Variants in PDE6B observed in about 807,000 individuals in gnomAD.
PDE6B encodes rod cGMP-specific 3',5'-cyclic phosphodiesterase subunit beta.
In PDE6B, 106 loss-of-function variants were observed where a neutral mutation model predicts 109.0. That is an observed-to-expected ratio of 0.97 (90% CI 0.83 to 1.14). PDE6B has a LOEUF of 1.14. Ranked by LOEUF, PDE6B falls within the 50% of genes most tolerant of loss-of-function variation. The probability of loss-of-function intolerance (pLI) is 0.00; values close to 1 mark genes in which losing one functional copy is unlikely to be tolerated. For missense variants in PDE6B, 1,193 were observed against 1,155.6 expected (o/e 1.03, Z -0.47); for synonymous variants, 490 against 471.3 (o/e 1.04, Z -0.51).
At chr4:632,857 T>C (rs1734460952) in intron 1 of PDE6B, among the ~76,000 whole-genome samples, 1 of 152,152 alleles carries the variant, frequency 6.6e-6, no homozygotes, top group South Asian at 2.1e-4. Flanking sequence ...TTGTGCTCTT[T>C]CCATAATCAC....
At position 640,493 on chromosome 4, in the gene PDE6B, C is replaced by T. The variant is rs542235293; in HGVS notation, c.711+4524C>T. Among the ~76,000 whole-genome samples, 8 of 152,170 alleles carry T rather than the reference C, an allele frequency of 5.3e-5. No individual in the cohort carries two copies. In the East Asian group the frequency reaches 5.8e-4, roughly 11 times the overall value. On this transcript the variant is annotated intron_variant, in intron 3 of 21. Transcript: ENST00000496514. ...GACAGAGGTTGCAGTGAGCTGAGATCGCACCATTGCACCCCAGCCTGGACG... is the reference window on the plus strand; with the variant it reads ...GACAGAGGTTGCAGTGAGCTGAGATTGCACCATTGCACCCCAGCCTGGACG...
In PDE6B at chr4:653,132, G is replaced by A. The variant is rs191177585; in HGVS notation, c.712-720G>A. On this transcript the variant is annotated intron_variant, in intron 3 of 21. Transcript: ENST00000496514. Reference sequence around the variant, plus strand: ...TCCCACCATGAGCTGAGTGCCAGGGGGTGGAACTTCAGAGGGCCTGGCAGG... The same window carrying A: ...TCCCACCATGAGCTGAGTGCCAGGGAGTGGAACTTCAGAGGGCCTGGCAGG... The A allele has an allele frequency of 4.1e-6, 4 of 986,370 alleles. No individual in the cohort carries two copies. The East Asian group carries it at 4.5e-4, about 112-fold the overall frequency. 61.1% of individuals were successfully genotyped at this position (986,370 alleles called of 1,614,324 possible).
intron 7 of PDE6B, 47 bp from the exon 8 acceptor site, chr4:656,198 G>A: frequency 7.3e-7 from 1 of 1,363,370 alleles, no homozygotes; most frequent in Non-Finnish European, 1.1e-6. Context: ...GATCATAACA[G>A]ACCTTCCGCT....
chr4:638,985 G>C (rs79102845), intron 3 of PDE6B, among the ~76,000 whole-genome samples: 4,423 of 152,262 alleles, frequency 0.029, 65 homozygotes, highest in Middle Eastern at 0.041. Context: ...TTCCCTCCAG[G>C]GTCCCAGGGA....
intron 3 of PDE6B, among the ~76,000 whole-genome samples, chr4:642,035 A>G (rs568208293): frequency 2.6e-4 from 40 of 152,330 alleles, no homozygotes; most frequent in African/African-American, 9.6e-4. Flanking sequence ...TTCTCAATCT[A>G]TATACATTGT....
In PDE6B at chr4:657,481, T is replaced by C; in HGVS notation, c.1388T>C (p.Ile463Thr). The C allele has an allele frequency of 6.2e-7, 1 of 1,613,144 alleles. No homozygotes were observed. The highest frequency in any genetic ancestry group is 2.2e-5 in the East Asian group (1 of 44,874). ...LYHVKCDRDE[I>T]QLILPTRARL... The stretch of plus-strand genomic sequence containing the variant: ...CACGTGAAGTGCGACAGGGACGAGA[T>C]CCAGCTCATCCTGGTGCGGCGGGGC... Residue 463 changes from isoleucine (I) to threonine (T), a missense_variant, in exon 10 of 22, where the codon ATC becomes ACC. Physicochemically the swap from Ile to Thr is moderately conservative, Grantham distance 89 (BLOSUM62 -1). Transcript: ENST00000496514.
intron 1 of PDE6B, among the ~76,000 whole-genome samples, chr4:629,120 T>C (rs28413992): frequency 0.024 from 3,616 of 152,274 alleles, 144 homozygotes; most frequent in African/African-American, 0.083. Context: ...CCTGCCCAGC[T>C]ACCCAGTGTT....
intron 12 of PDE6B, 65 bp downstream of exon 12, chr4:660,678 G>GA: frequency 6.9e-7 from 1 of 1,446,930 alleles, no homozygotes; most frequent in Middle Eastern, 2.1e-4. Flanking sequence ...GGGTGGGGAT[G>GA]TGATCAGGGC....
At chr4:631,822 CGTT>C (rs1321630638) in intron 1 of PDE6B, among the ~76,000 whole-genome samples, 1 of 148,720 alleles carries the variant, frequency 6.7e-6, no homozygotes, top group Non-Finnish European at 1.5e-5. Context: ...ATGAGGGTCA[CGTT>C]GTGTGGGTCC....
At chr4:653,546 G>T (rs751799419) in intron 3 of PDE6B, 5 of 511,418 alleles carry the variant, frequency 9.8e-6, no homozygotes, top group Non-Finnish European at 1.8e-5. Context: ...AGGAAGGGCT[G>T]GTCGGATGTT....
At chr4:645,962 GC>G (rs1234169816) in intron 3 of PDE6B, among the ~76,000 whole-genome samples, 1 of 151,900 alleles carries the variant, frequency 6.6e-6, no homozygotes, top group African/African-American at 2.4e-5. Context: ...TTATCCACGT[GC>G]TATAATCATG....
chr4:635,987 A>T lies in PDE6B; in HGVS notation c.711+18A>T. On this transcript the variant is annotated intron_variant, in intron 3 of 21. Coordinates refer to ENST00000496514, the MANE Select transcript of PDE6B (RefSeq NM_000283.4). ...GCGGCCAGGTACCCACACGCTGAGC[A>T]CAGCTCTGCCCACGAGGGCCAGGGT... The T allele has an allele frequency of 2.0e-6, 3 of 1,472,268 alleles. No homozygotes were observed. The highest frequency in any genetic ancestry group is 2.9e-6 in the Non-Finnish European group (3 of 1,050,754). The allele number at this position is 1,472,268 out of a possible 1,614,324, so 91.2% of individuals were successfully genotyped here.
intron 3 of PDE6B, chr4:653,458 C>G (rs1135375): frequency 0.12 from 80,282 of 657,628 alleles, 5,666 homozygotes; most frequent in African/African-American, 0.22. Flanking sequence ...AGGCCACAGG[C>G]GGCCTGACGT....
At chr4:654,572 G>C in intron 5 of PDE6B, 3 of 617,512 alleles carry the variant, frequency 4.9e-6, no homozygotes, top group Non-Finnish European at 8.8e-6. Flanking sequence ...TGTCCCGTGA[G>C]TATTGGGGAC....
intron 17 of PDE6B, 66 bp from the exon 18 acceptor site, chr4:664,815 A>G: frequency 3.2e-6 from 4 of 1,255,576 alleles, no homozygotes; most frequent in Non-Finnish European, 4.7e-6. Flanking sequence ...CAAAAAAGAA[A>G]ACACATATAA....
chr4:660,358 A>T, intron 11 of PDE6B, 109 bp from the exon 12 acceptor site: 1 of 1,104,718 alleles, frequency 9.1e-7, no homozygotes, highest in Non-Finnish European at 1.4e-6. Context: ...CTCCTCAGAG[A>T]TGCCTGAGGT....
At position 663,849 on chromosome 4, in the gene PDE6B, C is replaced by G; in HGVS notation, c.2000C>G (p.Thr667Arg). Residue 667 changes from threonine (T) to arginine (R), a missense_variant, in exon 16 of 22, where the codon ACG (threonine) becomes AGG (arginine). Thr to Arg is a moderately conservative substitution (Grantham distance 71). Coordinates refer to ENST00000496514, the MANE Select transcript of PDE6B (RefSeq NM_000283.4). This position sits in a 1 kb window ranked among gnomAD's most constrained non-coding sequence, Gnocchi z 4.0. ...IHLMDIAIIA[T>R]DLALYFKKRA... ...CTGATGGACATCGCCATCATCGCCA[C>G]GGACCTGGCCCTGTACTTCAAGTGC... 1.2e-6 allele frequency: 2 copies of G among 1,611,726 alleles called. No individual in the cohort carries two copies. The highest frequency in any genetic ancestry group is 2.2e-5 in the East Asian group (1 of 44,842).
rs376221571 is a variant in PDE6B, at chr4:663,847, C to T, written c.1998C>T (p.Ala666=). ...ACCTGATGGACATCGCCATCATCGC[C>T]ACGGACCTGGCCCTGTACTTCAAGT... ...VIHLMDIAII[A]TDLALYFKKR... The change falls in exon 16 of 22, where the codon GCC becomes GCT. Residue 666 remains alanine, a synonymous_variant. Transcript: ENST00000496514. The surrounding 1 kb of genome is among the most constrained non-coding windows in gnomAD (Gnocchi z 4.0). The T allele has an allele frequency of 1.2e-6, 2 of 1,611,996 alleles. No individual in the cohort carries two copies. Among genetic ancestry groups the T allele is most frequent in the Non-Finnish European group, 1.7e-6 (2 of 1,179,142 alleles).
intron 12 of PDE6B, 93 bp downstream of exon 12, chr4:660,706 G>GT (rs1736967167): frequency 8.9e-7 from 1 of 1,123,612 alleles, no homozygotes; most frequent in African/African-American, 1.5e-5. Flanking sequence ...GCCCCAGAAG[G>GT]TGAGGGGGAT....
Sources: gnomAD v4.1 joint callset for allele counts (sites outside exome capture counted in the v4.1 genomes callset) on GRCh38, gnomAD v4.1.1 for gene constraint, Gnocchi (gnomAD v3.1) non-coding constraint, MANE v1.5 for transcripts, NCBI Gene and HGNC (gene_info 2026-07-23, HGNC 2026-07-21) for gene names.